Variants in BICD2 observed in about 807,000 individuals in gnomAD.
BICD2 encodes protein bicaudal D homolog 2.
A neutral mutation model predicts 72.9 loss-of-function variants in BICD2; 25 were observed. The ratio of observed to expected loss-of-function variants is 0.34; its 90% CI spans 0.25 to 0.48. BICD2 has a LOEUF of 0.48. BICD2 is among the 20% of genes least tolerant of loss of function. The probability of loss-of-function intolerance (pLI) is 0.99; values close to 1 mark genes in which losing one functional copy is unlikely to be tolerated. For missense variants in BICD2, 894 were observed against 1,175.2 expected (o/e 0.76, Z 3.50); for synonymous variants, 501 against 516.1 (o/e 0.97, Z 0.40).
At chr9:92,737,415 A>C (rs947973082) in intron 1 of BICD2, among the ~76,000 whole-genome samples, 1 of 152,140 alleles carries the variant, frequency 6.6e-6, no homozygotes, top group Admixed American at 6.5e-5. Context: ...CAGAGTCAGC[A>C]TATCTCTGAC....
At chr9:92,727,237 C>T (rs774401238) in intron 2 of BICD2, among the ~76,000 whole-genome samples, 1 of 152,204 alleles carries the variant, frequency 6.6e-6, no homozygotes, top group Non-Finnish European at 1.5e-5. Context: ...TACTGGAATG[C>T]TAAGCCAACA....
chr9:92,753,057 G>T (rs755740793), intron 1 of BICD2, among the ~76,000 whole-genome samples: 1 of 152,198 alleles, frequency 6.6e-6, no homozygotes, highest in Non-Finnish European at 1.5e-5. Flanking sequence ...TATGTGATGA[G>T]AAGGGCATTT....
chr9:92,728,928 A>T, intron 2 of BICD2, 96 bp downstream of exon 2: 1 of 1,368,484 alleles, frequency 7.3e-7, no homozygotes, highest in Non-Finnish European at 1.0e-6. Context: ...GCGTCCCCAG[A>T]GGCCAGCCCA....
intron 1 of BICD2, among the ~76,000 whole-genome samples, chr9:92,737,319 A>G (rs1293137015): frequency 6.6e-6 from 1 of 152,180 alleles, no homozygotes; most frequent in Non-Finnish European, 1.5e-5. Context: ...TAGGAGCTTT[A>G]AAATACAGGT....
At chr9:92,746,133 C>T (rs1854008071) in intron 1 of BICD2, among the ~76,000 whole-genome samples, 1 of 152,218 alleles carries the variant, frequency 6.6e-6, no homozygotes, top group Non-Finnish European at 1.5e-5. Context: ...TAGAAGGTTA[C>T]CTGTGGTGGC....
chr9:92,733,561 C>T (rs1853718010), intron 1 of BICD2, among the ~76,000 whole-genome samples: 1 of 151,794 alleles, frequency 6.6e-6, no homozygotes, highest in Non-Finnish European at 1.5e-5. Flanking sequence ...GATGCTGGGG[C>T]AAGTAGATAC....
At position 92,764,399 on chromosome 9, in the gene BICD2, G is replaced by T; in HGVS notation, c.240+106C>A. On this transcript the variant is annotated intron_variant, in intron 1 of 6. Coordinates refer to ENST00000356884, the MANE Select transcript of BICD2 (RefSeq NM_001003800.2). The surrounding 1 kb of genome is among the most constrained non-coding windows in gnomAD (Gnocchi z 5.5). ...CCCTCCGCCCCGGCGGCCCACCCCT[G>T]CCGGCCCCCGCTTGGCAAGCTGACC... 7.4e-7 allele frequency: 1 copy of T among 1,349,146 alleles called. No individual in the cohort carries two copies. 83.6% of individuals were successfully genotyped at this position (1,349,146 alleles called of 1,614,324 possible).
chr9:92,730,323 G>C (rs1383332459), intron 1 of BICD2, among the ~76,000 whole-genome samples: 2 of 152,190 alleles, frequency 1.3e-5, no homozygotes, highest in African/African-American at 2.4e-5. Context: ...AGAGAAAAAG[G>C]AGCATTTTTC....
chr9:92,743,911 T>C (rs985202851), intron 1 of BICD2, among the ~76,000 whole-genome samples: 2 of 152,204 alleles, frequency 1.3e-5, no homozygotes, highest in Non-Finnish European at 2.9e-5. Context: ...CCATGGGGAA[T>C]GCAACTTACA....
In BICD2 at chr9:92,720,929, T is replaced by C. The variant is rs1468942042; in HGVS notation, c.607-174A>G. On this transcript the variant is annotated intron_variant, in intron 3 of 6. Transcript: ENST00000356884. The surrounding 1 kb of genome is among the most constrained non-coding windows in gnomAD (Gnocchi z 5.4). The stretch of plus-strand genomic sequence containing the variant: ...GGCAGCCCGTCCAGGCCAAGACTGC[T>C]TCCTCTGCTCAGAGATGTGGATGCT... Among the ~76,000 whole-genome samples the C allele has an allele frequency of 6.6e-6, 1 of 152,204 alleles. No individual in the cohort carries two copies. The highest frequency in any genetic ancestry group is 1.9e-4 in the East Asian group (1 of 5,188).
intron 2 of BICD2, among the ~76,000 whole-genome samples, chr9:92,725,147 C>T (rs935487542): frequency 6.6e-6 from 1 of 152,220 alleles, no homozygotes; most frequent in Non-Finnish European, 1.5e-5. Flanking sequence ...ATGCCTCATA[C>T]CATTAGGGTC....
Position 92,716,713 on chromosome 9 carries a change from C to T in BICD2, c.2258+1084G>A, listed in dbSNP as rs543789715. 1.4e-4 allele frequency among the ~76,000 whole-genome samples: 22 copies of T among 152,358 alleles called. 2 individuals carry two copies. Among genetic ancestry groups the T allele is most frequent in the African/African-American group, 5.3e-4 (22 of 41,586 alleles). ...CCCATCTTTGGAAAGTGAAAGACAG[C>T]GGTACCTGTCAGGGGGCACCTGGGA... On this transcript the variant is annotated intron_variant, in intron 6 of 6. Coordinates refer to ENST00000356884, the MANE Select transcript of BICD2 (RefSeq NM_001003800.2).
chr9:92,745,519 T>C (rs1211634721), intron 1 of BICD2, among the ~76,000 whole-genome samples: 1 of 151,988 alleles, frequency 6.6e-6, no homozygotes, highest in African/African-American at 2.4e-5. Context: ...CCCCCAGGTT[T>C]TCCCAGCCTT....
chr9:92,751,803 T>G (rs1467713497), intron 1 of BICD2, among the ~76,000 whole-genome samples: 2 of 144,254 alleles, frequency 1.4e-5, no homozygotes, highest in Non-Finnish European at 3.0e-5. Flanking sequence ...ATACACTAAC[T>G]GCATTTTTTT....
chr9:92,715,733 G>A (rs989458377), intron 6 of BICD2, among the ~76,000 whole-genome samples: 11 of 152,230 alleles, frequency 7.2e-5, no homozygotes, highest in Admixed American at 6.5e-4. Context: ...TTGTGGTTTT[G>A]TGGGGGAGGG....
chr9:92,735,351 A>G (rs1853760479), intron 1 of BICD2, among the ~76,000 whole-genome samples: 1 of 152,058 alleles, frequency 6.6e-6, no homozygotes, highest in Non-Finnish European at 1.5e-5. Flanking sequence ...CGCTGGGTCT[A>G]TCAAAAGTGG....
intron 1 of BICD2, among the ~76,000 whole-genome samples, chr9:92,744,294 G>T (rs1309566190): frequency 1.3e-5 from 2 of 152,148 alleles, no homozygotes; most frequent in African/African-American, 4.8e-5. Context: ...AAAGTACGGT[G>T]CAACTCCATC....
chr9:92,724,322 C>T (rs1444773361), intron 2 of BICD2, among the ~76,000 whole-genome samples: 3 of 152,110 alleles, frequency 2.0e-5, no homozygotes, highest in Admixed American at 6.5e-5. Context: ...ACACACAAAA[C>T]GATCATACTG....
At chr9:92,728,903 G>T in intron 2 of BICD2, 121 bp downstream of exon 2, 1 of 1,094,070 alleles carries the variant, frequency 9.1e-7, no homozygotes, top group Non-Finnish European at 1.3e-6. Context: ...AAGCAAGACA[G>T]ACCAGCCAGC....
Sources: gnomAD v4.1 joint callset for allele counts (sites outside exome capture counted in the v4.1 genomes callset) on GRCh38, gnomAD v4.1.1 for gene constraint, Gnocchi (gnomAD v3.1) non-coding constraint, MANE v1.5 for transcripts, NCBI Gene and HGNC (gene_info 2026-07-23, HGNC 2026-07-21) for gene names.